Variants in TIAM1 observed in about 807,000 individuals in gnomAD.
TIAM1 encodes TIAM Rac1 associated GEF 1.
Under a neutral mutation model 163.5 loss-of-function variants are expected in TIAM1, and 65 were observed. That is an observed-to-expected ratio of 0.40 (90% CI 0.33 to 0.49). The LOEUF (loss-of-function observed/expected upper bound fraction) is 0.49. TIAM1 is among the 20% of genes least tolerant of loss of function. The pLI is 0.77. For synonymous variants in TIAM1, 833 were observed against 810.1 expected (o/e 1.03, Z -0.48); for missense variants, 1,789 against 2,044.7 (o/e 0.87, Z 2.41).
chr21:31,268,156 T>C (rs534706404), intron 3 of TIAM1, among the ~76,000 whole-genome samples: 84 of 152,306 alleles, frequency 5.5e-4, no homozygotes, highest in African/African-American at 1.9e-3. Flanking sequence ...GTGGTTCTTT[T>C]AACCACCTAT....
chr21:31,252,174 C>G lies in TIAM1; in HGVS notation c.979G>C (p.Glu327Gln). The change falls in exon 5 of 28, where the codon GAG (glutamate) becomes CAG (glutamine). Residue 327 changes from glutamate (E) to glutamine (Q), a missense_variant. By Grantham distance (29) the Glu-to-Gln change is conservative. Coordinates refer to ENST00000541036, the MANE Select transcript of TIAM1 (RefSeq NM_001353694.2). ...AKTTQDVNAGEGSEFADSGIE... is the reference protein window; with the variant it reads ...AKTTQDVNAGQGSEFADSGIE... ...CCACTGTCTGCAAACTCACTGCCCT[C>G]GCCTGCATTAACATCCTTGGGAGCA... is the stretch of plus-strand genomic sequence containing the variant. 1 of 1,605,826 alleles carries G rather than the reference C, an allele frequency of 6.2e-7. No individual in the cohort carries two copies. Among genetic ancestry groups the G allele is most frequent in the Non-Finnish European group, 8.5e-7 (1 of 1,179,644 alleles).
chr21:31,282,953 G>A (rs1205267669), intron 2 of TIAM1, among the ~76,000 whole-genome samples: 2 of 152,186 alleles, frequency 1.3e-5, no homozygotes, highest in Non-Finnish European at 2.9e-5. Flanking sequence ...CAATCAATAT[G>A]TTTAAGTCAA....
chr21:31,244,125 A>G (rs992368869), intron 6 of TIAM1, among the ~76,000 whole-genome samples: 1 of 152,216 alleles, frequency 6.6e-6, no homozygotes, highest in Admixed American at 6.5e-5. Flanking sequence ...TGTGTTTTAC[A>G]TCACAGATTT....
intron 8 of TIAM1, among the ~76,000 whole-genome samples, chr21:31,219,466 G>A (rs1291402798): frequency 6.6e-6 from 1 of 152,190 alleles, no homozygotes; most frequent in Non-Finnish European, 1.5e-5. Flanking sequence ...GCAATGCAGG[G>A]GATGAGGCAC....
intron 18 of TIAM1, 114 bp downstream of exon 18, chr21:31,152,952 C>T: frequency 1.5e-6 from 2 of 1,322,518 alleles, no homozygotes; most frequent in Non-Finnish European, 2.1e-6. Context: ...CAGCTAGTTA[C>T]AATTAAATAA....
In TIAM1 at chr21:31,268,055, C is replaced by T. The variant is rs188104035; in HGVS notation, c.-11-1072G>A. Among the ~76,000 whole-genome samples the T allele has an allele frequency of 5.6e-4, 85 of 152,284 alleles. 1 individual carries two copies. Among genetic ancestry groups the T allele is most frequent in the Admixed American group, 1.8e-3 (28 of 15,302 alleles). On this transcript the variant is annotated intron_variant, in intron 3 of 27. Coordinates refer to ENST00000541036, the MANE Select transcript of TIAM1 (RefSeq NM_001353694.2). Reference sequence around the variant, plus strand: ...TTCTTGTTCCATGAAGTCTCTCTAGCGCACTTCAAATTGTATGCACTTAAG... The same window carrying T: ...TTCTTGTTCCATGAAGTCTCTCTAGTGCACTTCAAATTGTATGCACTTAAG...
Position 31,124,586 on chromosome 21 carries a change from A to G in TIAM1, c.4242T>C (p.Tyr1414=). Residue 1414 remains tyrosine (Y), a synonymous_variant, in exon 27 of 28, where the codon TAT becomes TAC. Coordinates refer to ENST00000541036, the MANE Select transcript of TIAM1 (RefSeq NM_001353694.2). The part of the protein sequence containing the change: ...KTESLPSSQQ[Y]VPFGGKRLCA... ...ACAATCTTTTGCCTCCAAAAGGGAC[A>G]TATTGCTGGGATGAGGGAAGGCTCT... 1 of 1,613,842 alleles carries G rather than the reference A, an allele frequency of 6.2e-7. No individual in the cohort carries two copies. Among genetic ancestry groups the G allele is most frequent in the Non-Finnish European group, 8.5e-7 (1 of 1,179,898 alleles).
intron 10 of TIAM1, among the ~76,000 whole-genome samples, chr21:31,210,563 A>AAAGAAAGAAAG (rs1204020551): frequency 8.4e-6 from 1 of 118,640 alleles, no homozygotes; most frequent in African/African-American, 4.1e-5. Context: ...AGAAAGAAAG[A>AAAGAAAGAAAG]AAGAAAGAAA....
At chr21:31,240,626 AG>A (rs1293244652) in intron 6 of TIAM1, among the ~76,000 whole-genome samples, 2 of 152,166 alleles carry the variant, frequency 1.3e-5, no homozygotes, top group African/African-American at 4.8e-5. Context: ...CCTCTTCACG[AG>A]CTTGTTGCTA....
intron 11 of TIAM1, among the ~76,000 whole-genome samples, chr21:31,205,994 A>G (rs1278806867): frequency 1.3e-5 from 2 of 152,136 alleles, no homozygotes; most frequent in Non-Finnish European, 2.9e-5. Flanking sequence ...AAGTAAAAGG[A>G]AAAAAAGATT....
At chr21:31,352,042 T>C (rs2072606927) in intron 2 of TIAM1, among the ~76,000 whole-genome samples, 1 of 149,310 alleles carries the variant, frequency 6.7e-6, no homozygotes, top group South Asian at 2.1e-4. Context: ...TACTCCAACC[T>C]AGGCAACAGA....
chr21:31,191,851 G>A (rs186892722), intron 13 of TIAM1, among the ~76,000 whole-genome samples: 1 of 152,192 alleles, frequency 6.6e-6, no homozygotes, highest in African/African-American at 2.4e-5. Flanking sequence ...CTGAGTCCCT[G>A]AATCACTCAA....
chr21:31,210,578 GAAAGAAAGAA>G (rs2086689553), intron 10 of TIAM1, among the ~76,000 whole-genome samples: 1 of 118,054 alleles, frequency 8.5e-6, no homozygotes. Context: ...AAGAAAGAAA[GAAAGAAAGAA>G]AGAAAGAGAG....
intron 2 of TIAM1, among the ~76,000 whole-genome samples, chr21:31,429,501 C>G (rs987679950): frequency 1.3e-5 from 2 of 152,174 alleles, no homozygotes; most frequent in Non-Finnish European, 2.9e-5. Flanking sequence ...TGGAAATACA[C>G]CCCGGGGAGG....
At chr21:31,468,559 G>A (rs2045617224) in intron 1 of TIAM1, among the ~76,000 whole-genome samples, 3 of 151,772 alleles carry the variant, frequency 2.0e-5, no homozygotes, top group South Asian at 2.1e-4. Context: ...GGCGGATCAC[G>A]AGGTCAGGAG....
At chr21:31,412,753 G>T (rs2043242608) in intron 2 of TIAM1, among the ~76,000 whole-genome samples, 2 of 142,298 alleles carry the variant, frequency 1.4e-5, no homozygotes, top group Admixed American at 7.3e-5. Context: ...CTGCACTCCA[G>T]CCTGGGAAAG....
chr21:31,488,453 G>A (rs2046348451), intron 1 of TIAM1, among the ~76,000 whole-genome samples: 1 of 152,172 alleles, frequency 6.6e-6, no homozygotes, highest in South Asian at 2.1e-4. Context: ...GGAAGAGGAG[G>A]AAGGGGAAAC....
At position 31,266,358 on chromosome 21, in the gene TIAM1, C is replaced by T. The variant is rs2072767097; in HGVS notation, c.615G>A (p.Glu205=). ...SNEEILGSAE[E]KDCEEARGME... is the part of the protein sequence containing the mutation. ...TCCCCCGAGCCTCCTCGCAGTCCTT[C>T]TCTTCGGCGGAACCCAAGATTTCTT... The change falls in exon 4 of 28, where the codon GAG becomes GAA. Residue 205 remains glutamate (E), a synonymous_variant. Transcript: ENST00000541036. The T allele has an allele frequency of 6.2e-7, 1 of 1,614,142 alleles. No homozygotes were observed. Among genetic ancestry groups the T allele is most frequent in the Admixed American group, 1.7e-5 (1 of 60,012 alleles).
chr21:31,431,274 C>G (rs1602262428), intron 2 of TIAM1, among the ~76,000 whole-genome samples: 1 of 152,280 alleles, frequency 6.6e-6, no homozygotes, highest in African/African-American at 2.4e-5. Flanking sequence ...GTAGCTCTTA[C>G]CAGACTGTAC....
Sources: gnomAD v4.1 joint callset for allele counts (sites outside exome capture counted in the v4.1 genomes callset) on GRCh38, gnomAD v4.1.1 for gene constraint, MANE v1.5 for transcripts, NCBI Gene and HGNC (gene_info 2026-07-23, HGNC 2026-07-21) for gene names.